The following KIF21A variants were observed in gnomAD, a reference collection of about 807,000 sequenced individuals.
KIF21A encodes kinesin family member 21A.
A neutral mutation model predicts 202.9 loss-of-function variants in KIF21A; 114 were observed. The ratio of observed to expected loss-of-function variants is 0.56; its 90% CI spans 0.48 to 0.66. The LOEUF (loss-of-function observed/expected upper bound fraction) is 0.66. Among genes scored for constraint, KIF21A ranks in the 30% least tolerant of loss-of-function variants. KIF21A has a pLI of 0.00. For synonymous variants in KIF21A, 667 were observed against 670.8 expected (o/e 0.99, Z 0.09); for missense variants, 1,677 against 1,994.9 (o/e 0.84, Z 3.04).
At chr12:39,390,478 A>C (rs1951267941) in intron 1 of KIF21A, among the ~76,000 whole-genome samples, 1 of 152,128 alleles carries the variant, frequency 6.6e-6, no homozygotes, top group Admixed American at 6.5e-5. Flanking sequence ...TTTATTTAGG[A>C]GACTAAAGTT....
chr12:39,385,249 T>A (rs1476333951), intron 1 of KIF21A, among the ~76,000 whole-genome samples: 2 of 151,970 alleles, frequency 1.3e-5, no homozygotes, highest in African/African-American at 4.8e-5. Context: ...GGCAGTGGGC[T>A]GAGGAAGCAA....
At chr12:39,336,505 AC>A (rs1490075632) in intron 17 of KIF21A, among the ~76,000 whole-genome samples, 1 of 152,310 alleles carries the variant, frequency 6.6e-6, no homozygotes, top group Admixed American at 6.5e-5. Context: ...AATTTCTTTA[AC>A]CATTCCTCCT....
intron 35 of KIF21A, 63 bp from the exon 36 acceptor site, chr12:39,303,198 C>T: frequency 7.1e-7 from 1 of 1,400,376 alleles, no homozygotes; most frequent in Non-Finnish European, 1.0e-6. Flanking sequence ...AATATTTGTA[C>T]AGTCCTAGAA....
At chr12:39,422,903 G>A (rs1259186213) in intron 1 of KIF21A, among the ~76,000 whole-genome samples, 1 of 152,182 alleles carries the variant, frequency 6.6e-6, no homozygotes, top group Non-Finnish European at 1.5e-5. Context: ...GTTATTGCCT[G>A]GAACACCAGA....
chr12:39,432,565 T>C (rs770823997), intron 1 of KIF21A, among the ~76,000 whole-genome samples: 7 of 152,174 alleles, frequency 4.6e-5, no homozygotes, highest in Non-Finnish European at 8.8e-5. Context: ...TGGTGTATAA[T>C]ATTTAGCATG....
intron 1 of KIF21A, among the ~76,000 whole-genome samples, chr12:39,388,442 T>C (rs1352455199): frequency 1.3e-5 from 2 of 152,164 alleles, no homozygotes; most frequent in Admixed American, 6.6e-5. Context: ...TATTTGCTTA[T>C]AGTAACAAAA....
At chr12:39,328,498 T>C (rs1946180845) in intron 24 of KIF21A, among the ~76,000 whole-genome samples, 2 of 152,140 alleles carry the variant, frequency 1.3e-5, no homozygotes, top group Non-Finnish European at 1.5e-5. Context: ...AATACAACCA[T>C]ATGCTAAGCC....
At chr12:39,419,006 C>T (rs1190207567) in intron 1 of KIF21A, among the ~76,000 whole-genome samples, 1 of 152,180 alleles carries the variant, frequency 6.6e-6, no homozygotes, top group Non-Finnish European at 1.5e-5. Context: ...GGAAAAGGCA[C>T]AGTATCTAAC....
At chr12:39,359,557 G>T (rs763407746) in intron 7 of KIF21A, among the ~76,000 whole-genome samples, 2 of 152,104 alleles carry the variant, frequency 1.3e-5, no homozygotes, top group Admixed American at 1.3e-4. Flanking sequence ...TTTACTGGGG[G>T]TCAGAAAGTT....
intron 7 of KIF21A, among the ~76,000 whole-genome samples, chr12:39,362,661 T>C (rs1949322700): frequency 6.6e-6 from 1 of 152,072 alleles, no homozygotes; most frequent in Admixed American, 6.5e-5. Context: ...TTTAGAAGAC[T>C]TTGTAAAAAA....
intron 26 of KIF21A, among the ~76,000 whole-genome samples, chr12:39,324,732 A>G (rs1295105843): frequency 5.3e-5 from 8 of 152,238 alleles, no homozygotes; most frequent in Non-Finnish European, 1.0e-4. Context: ...TAGATGGGGC[A>G]TGTACTCTCC....
At chr12:39,385,388 C>T (rs1162505071) in intron 1 of KIF21A, among the ~76,000 whole-genome samples, 2 of 152,116 alleles carry the variant, frequency 1.3e-5, no homozygotes, top group African/African-American at 4.8e-5. Flanking sequence ...CAAAATACAT[C>T]ACATAAGTTT....
At chr12:39,392,309 T>C (rs1447173700) in intron 1 of KIF21A, among the ~76,000 whole-genome samples, 3 of 152,108 alleles carry the variant, frequency 2.0e-5, no homozygotes, top group Non-Finnish European at 4.4e-5. Context: ...GACATAAATA[T>C]ATGTCTGGCT....
chr12:39,320,666 G>T (rs533137409), intron 27 of KIF21A, among the ~76,000 whole-genome samples: 1 of 151,292 alleles, frequency 6.6e-6, no homozygotes, highest in Admixed American at 6.6e-5. Context: ...CAGGCATGGT[G>T]GCTCACACCT....
intron 37 of KIF21A, among the ~76,000 whole-genome samples, chr12:39,299,392 A>C (rs2137075688): frequency 6.6e-6 from 1 of 152,326 alleles, no homozygotes; most frequent in East Asian, 1.9e-4. Context: ...GCAAATTAAA[A>C]CCACAATGAA....
At chr12:39,307,510 T>A in intron 34 of KIF21A, 55 bp downstream of exon 34, 1 of 1,528,454 alleles carries the variant, frequency 6.5e-7, no homozygotes, top group Non-Finnish European at 9.1e-7. Flanking sequence ...ATGTTATTAA[T>A]GTCTGAAGTT....
At chr12:39,441,068 G>T (rs1433345416) in intron 1 of KIF21A, among the ~76,000 whole-genome samples, 2 of 151,212 alleles carry the variant, frequency 1.3e-5, no homozygotes, top group African/African-American at 4.9e-5. Context: ...AAAGAAGGAA[G>T]GAAGGAAGGA....
rs766053082 is a variant in KIF21A, at chr12:39,356,865, A to G, written c.1436T>C (p.Ile479Thr). The G allele has an allele frequency of 1.5e-6, 2 of 1,295,468 alleles. No individual in the cohort carries two copies. The highest frequency in any genetic ancestry group is 2.2e-6 in the Non-Finnish European group (2 of 892,756). The allele number at this position is 1,295,468 out of a possible 1,614,324, so 80.2% of individuals were successfully genotyped here. A position where few individuals can be genotyped will look rare whatever the true frequency, so the allele number is the denominator to read the frequency against. Residue 479 changes from isoleucine to threonine, a missense_variant, in exon 10 of 38, where the codon ATT (isoleucine) becomes ACT (threonine). Coordinates refer to ENST00000361418, the MANE Select transcript of KIF21A (RefSeq NM_001173464.2). ...GEGNEEISNM[I>T]HSYIKEIEDL... ...TTCGATTTCTTTTATATAACTATGA[A>G]TCATATTACTAATCTCCTCATTTCC... is the stretch of plus-strand genomic sequence containing the variant.
intron 1 of KIF21A, among the ~76,000 whole-genome samples, chr12:39,397,724 T>G (rs1307633408): frequency 6.6e-6 from 1 of 152,168 alleles, no homozygotes; most frequent in East Asian, 1.9e-4. Context: ...GGGATCTATA[T>G]CTTCACCAAT....
Sources: gnomAD v4.1 joint callset for allele counts (sites outside exome capture counted in the v4.1 genomes callset) on GRCh38, gnomAD v4.1.1 for gene constraint, MANE v1.5 for transcripts, NCBI Gene and HGNC (gene_info 2026-07-23, HGNC 2026-07-21) for gene names.